The following UBE2F variants were observed in gnomAD, a reference collection of about 807,000 sequenced individuals.
The protein encoded by UBE2F is ubiquitin conjugating enzyme E2 F (putative).
UBE2F carries 5 observed loss-of-function variants against 29.6 expected under a neutral mutation model. The observed-to-expected ratio is 0.17, with a 90% confidence interval of 0.09 to 0.36. UBE2F has a LOEUF of 0.36. Ranked by LOEUF, UBE2F falls within the 10% of genes least tolerant of loss-of-function variation. The pLI is 1.00. For synonymous variants in UBE2F, 66 were observed against 81.8 expected, an observed-to-expected ratio of 0.81 and a Z score of 1.04; for missense variants, 141 against 228.5, an observed-to-expected ratio of 0.62 and a Z score of 2.47.
In UBE2F at chr2:238,040,338, G is replaced by A. The variant is rs926986641; in HGVS notation, c.508-950G>A. 3.9e-5 allele frequency among the ~76,000 whole-genome samples: 6 copies of A among 152,330 alleles called. No individual in the cohort carries two copies. Among genetic ancestry groups the A allele is most frequent in the Middle Eastern group, 3.4e-3 (1 of 294 alleles). On this transcript the variant is annotated intron_variant, in intron 9 of 9. Coordinates refer to ENST00000272930, the MANE Select transcript of UBE2F (RefSeq NM_080678.3). This position sits in a 1 kb window ranked among gnomAD's most constrained non-coding sequence, Gnocchi z 4.4. ...TATACCCTGCACATTGCCAGGTGTC[G>A]GGATTATGCAGTGGAATCAGCAAAC...
chr2:238,012,672 A>C (rs556561738), intron 4 of UBE2F, among the ~76,000 whole-genome samples: 4 of 152,276 alleles, frequency 2.6e-5, no homozygotes, highest in African/African-American at 7.2e-5. Context: ...CAAAAGTCTT[A>C]CTTCATTTTC....
At chr2:238,025,547 T>A in intron 6 of UBE2F, 135 bp downstream of exon 6, 1 of 780,040 alleles carries the variant, frequency 1.3e-6, no homozygotes, top group Non-Finnish European at 2.1e-6. Flanking sequence ...TCAGCTGAAG[T>A]AGCTGCGGTT....
chr2:238,000,285 GC>G (rs1262727515), intron 4 of UBE2F, among the ~76,000 whole-genome samples: 1 of 151,948 alleles, frequency 6.6e-6, no homozygotes, highest in African/African-American at 2.4e-5. Context: ...TCAATTGTTT[GC>G]CCATTTCATT....
intron 5 of UBE2F, among the ~76,000 whole-genome samples, chr2:238,020,002 A>G (rs1036247364): frequency 6.6e-6 from 1 of 152,092 alleles, no homozygotes; most frequent in African/African-American, 2.4e-5. Flanking sequence ...CCTCTCATTC[A>G]GGCAAGTGTG....
chr2:237,973,516 C>G (rs780629333), intron 2 of UBE2F: 4 of 524,238 alleles, frequency 7.6e-6, no homozygotes, highest in Non-Finnish European at 1.3e-5. Flanking sequence ...TGAGAGTCAG[C>G]AAAGCCTAAG....
chr2:238,010,037 C>T (rs1197228916), intron 4 of UBE2F, among the ~76,000 whole-genome samples: 2 of 152,224 alleles, frequency 1.3e-5, no homozygotes, highest in East Asian at 1.9e-4. Context: ...TCTCCTGGCA[C>T]TCATGTTTTC....
In UBE2F at chr2:237,967,244, G is replaced by T. The variant is rs542833516; in HGVS notation, c.-17+112G>T. The T allele has an allele frequency of 8.1e-5, 60 of 741,484 alleles. No individual in the cohort carries two copies. In the African/African-American group the frequency reaches 8.8e-4, roughly 11 times the overall value. The allele number at this position is 741,484 out of a possible 1,614,324, so 45.9% of individuals were successfully genotyped here. A position where few individuals can be genotyped will look rare whatever the true frequency, so the allele number is the denominator to read the frequency against. ...GCGGTGGCGGGGCCGCCTCGGGCCCGCCGGGTTCCTCACGCCGGGGGCCTG... is the reference window on the plus strand; with the variant it reads ...GCGGTGGCGGGGCCGCCTCGGGCCCTCCGGGTTCCTCACGCCGGGGGCCTG... On this transcript the variant is annotated intron_variant, in intron 1 of 9. Transcript: ENST00000272930. This position sits in a 1 kb window ranked among gnomAD's most constrained non-coding sequence, Gnocchi z 6.3.
At chr2:237,988,109 A>C (rs1178015104) in intron 3 of UBE2F, 117 bp downstream of exon 3, 2 of 620,024 alleles carry the variant, frequency 3.2e-6, no homozygotes, top group Non-Finnish European at 5.4e-6. Context: ...TTAGGAATGA[A>C]TTTTAATTTT....
At position 237,981,614 on chromosome 2, in the gene UBE2F, CTTTTTTTTTTTTT is replaced by C. The variant is rs139270010; in HGVS notation, c.119-6331_119-6319del. 3.2e-4 allele frequency among the ~76,000 whole-genome samples: 20 copies of C among 62,398 alleles called. 1 individual carries two copies. The highest frequency in any genetic ancestry group is 5.7e-4 in the African/African-American group (9 of 15,720). 40.9% of individuals were successfully genotyped at this position (62,398 alleles called of 152,430 possible). A position where few individuals can be genotyped will look rare whatever the true frequency, so the allele number is the denominator to read the frequency against. On this transcript the variant is annotated intron_variant, in intron 2 of 9. Transcript: ENST00000272930. ...TGATGCTCATCTTGGAATTTGAATT[CTTTTTTTTTTTTT>C]TTTTTTTTTTTTTTTTTGAGACAGG... is the stretch of plus-strand genomic sequence containing the variant.
intron 5 of UBE2F, among the ~76,000 whole-genome samples, chr2:238,017,103 CA>C (rs1368909806): frequency 1.3e-5 from 2 of 152,050 alleles, no homozygotes; most frequent in African/African-American, 4.8e-5. Context: ...TACCAAATAC[CA>C]TTACATTATG....
At chr2:238,039,005 C>T (rs1029295545) in intron 9 of UBE2F, among the ~76,000 whole-genome samples, 3 of 152,190 alleles carry the variant, frequency 2.0e-5, no homozygotes, top group Admixed American at 6.5e-5. Flanking sequence ...GAAGCTGAGG[C>T]AGGCAGATCA....
intron 2 of UBE2F, among the ~76,000 whole-genome samples, chr2:237,985,204 CTT>C (rs1471010009): frequency 6.6e-6 from 1 of 152,098 alleles, no homozygotes; most frequent in East Asian, 1.9e-4. Flanking sequence ...TATTCATCTT[CTT>C]GTATAGTTTA....
Position 237,987,175 on chromosome 2 carries a change from A to G in UBE2F, c.119-788A>G, listed in dbSNP as rs377605248. 1.4e-4 allele frequency among the ~76,000 whole-genome samples: 21 copies of G among 152,168 alleles called. 1 individual carries two copies. In the South Asian group the frequency reaches 4.1e-3, roughly 30 times the overall value. ...GTGTCTTCTTTAATGTCTTTCATCA[A>G]TGTTTTACAGTTTTCAGTATACAGA... On this transcript the variant is annotated intron_variant, in intron 2 of 9. Transcript: ENST00000272930.
chr2:238,032,252 A>G lies in UBE2F; in HGVS notation c.442A>G (p.Thr148Ala), dbSNP rs751238830. The change falls in exon 8 of 10, where the codon ACT (threonine) becomes GCT (alanine). Residue 148 changes from threonine to alanine, a missense_variant and splice_region_variant. Physicochemically the swap from Thr to Ala is moderately conservative, Grantham distance 58. Transcript: ENST00000272930. ...CGTTTGGGGATTAAACTCTTTGTTT[A>G]CTGTAAGTACAGTGATCAAAATCCC... ...DVVWGLNSLF[T>A]DLLNFDDPLN... 9 of 1,612,104 alleles carry G rather than the reference A, an allele frequency of 5.6e-6. No individual in the cohort carries two copies. Among genetic ancestry groups the G allele is most frequent in the Non-Finnish European group, 7.6e-6 (9 of 1,178,462 alleles).
rs775180894 is a variant in UBE2F at position 238,030,535 on chromosome 2, CTG to C, written c.354-15_354-14del. 3 of 1,607,416 alleles carry C rather than the reference CTG, an allele frequency of 1.9e-6. No individual in the cohort carries two copies. In the South Asian group the frequency reaches 3.3e-5, roughly 18 times the overall value. On this transcript the variant is annotated intron_variant, in intron 6 of 9. Transcript: ENST00000272930. ...ACCTGTGGCTGCTCCTCACTAACCACTGTGTGTTTGTCTTTTTCAGTTTATTG... is the reference window on the plus strand; with the variant it reads ...ACCTGTGGCTGCTCCTCACTAACCACTGTGTTTGTCTTTTTCAGTTTATTG...
At chr2:237,969,606 G>C (rs1338689459) in intron 1 of UBE2F, among the ~76,000 whole-genome samples, 1 of 152,154 alleles carries the variant, frequency 6.6e-6, no homozygotes, top group Non-Finnish European at 1.5e-5. Flanking sequence ...TGCACGTCTT[G>C]GTCCATTATT....
Position 237,982,871 on chromosome 2 carries a change from A to G in UBE2F, c.119-5092A>G, listed in dbSNP as rs189100413. On this transcript the variant is annotated intron_variant, in intron 2 of 9. Transcript: ENST00000272930. The surrounding 1 kb of genome is among the most constrained non-coding windows in gnomAD (Gnocchi z 4.1). ...TCTCCATCCTCTGCCTTTCCCATAC[A>G]TTGCTCTAAGGAAGGGCAAAATCTG... is the stretch of plus-strand genomic sequence containing the variant. 7.9e-5 allele frequency among the ~76,000 whole-genome samples: 12 copies of G among 152,192 alleles called. No individual in the cohort carries two copies. Among genetic ancestry groups the G allele is most frequent in the African/African-American group, 1.7e-4 (7 of 41,518 alleles).
At chr2:238,018,156 A>T (rs949537961) in intron 5 of UBE2F, among the ~76,000 whole-genome samples, 2 of 152,168 alleles carry the variant, frequency 1.3e-5, no homozygotes, top group Admixed American at 1.3e-4. Context: ...CTGGCGACGG[A>T]GCACTGCACC....
rs2064822747 is a variant in UBE2F, at chr2:238,040,823, C to T, written c.508-465C>T. 6.6e-6 allele frequency among the ~76,000 whole-genome samples: 1 copy of T among 152,098 alleles called. No individual in the cohort carries two copies. Among genetic ancestry groups the T allele is most frequent in the African/African-American group, 2.4e-5 (1 of 41,418 alleles). The stretch of plus-strand genomic sequence containing the variant: ...TGCCCAGAAGAGATGGGGGCCTGTA[C>T]ATGGGCTGTGAAGAGCAGGCACATT... On this transcript the variant is annotated intron_variant, in intron 9 of 9. Coordinates refer to ENST00000272930, the MANE Select transcript of UBE2F (RefSeq NM_080678.3). This position sits in a 1 kb window ranked among gnomAD's most constrained non-coding sequence, Gnocchi z 4.4.
Sources: allele counts gnomAD v4.1 joint callset (sites outside exome capture counted in the v4.1 genomes callset), GRCh38; gene constraint gnomAD v4.1.1; non-coding constraint Gnocchi (gnomAD v3.1); transcripts MANE v1.5; gene names NCBI Gene and HGNC (gene_info 2026-07-23, HGNC 2026-07-21).